VWF: variants seen among roughly 807,000 people sequenced by gnomAD.
The protein encoded by VWF is Factor VIII related antigen.
Under a neutral mutation model 308.6 loss-of-function variants are expected in VWF, and 176 were observed. The observed-to-expected ratio is 0.57, with a 90% CI of 0.50 to 0.65. The LOEUF (loss-of-function observed/expected upper bound fraction) is 0.65. Among genes scored for constraint, VWF ranks in the 30% least tolerant of loss-of-function variants. The pLI is 0.00. For missense variants in VWF, 3,146 were observed against 3,648.2 expected (o/e 0.86, Z 3.55); for synonymous variants, 1,385 against 1,443.4 (o/e 0.96, Z 0.92).
At chr12:5,983,424 T>TAGATAGATAGATAGAC (rs1943632140) in intron 40 of VWF, among the ~76,000 whole-genome samples, 170 bp from the exon 41 acceptor site, 1 of 151,908 alleles carries the variant, frequency 6.6e-6, no homozygotes, top group Non-Finnish European at 1.5e-5. Flanking sequence ...GATAGATAGA[T>TAGATAGATAGATAGAC]AGATAGATAG....
chr12:5,994,328 A>G (rs1943782540), intron 36 of VWF, 87 bp downstream of exon 36: 2 of 1,593,708 alleles, frequency 1.3e-6, no homozygotes, highest in South Asian at 2.2e-5. Flanking sequence ...ACCCTGAAAT[A>G]TAAGCATCCA....
At chr12:6,032,612 T>C (rs550818913) in intron 20 of VWF, among the ~76,000 whole-genome samples, 1 of 149,960 alleles carries the variant, frequency 6.7e-6, no homozygotes, top group South Asian at 2.1e-4. Flanking sequence ...CACTCCAGCC[T>C]GGGTGACAGA....
intron 6 of VWF, among the ~76,000 whole-genome samples, chr12:6,089,209 A>C (rs1018739323): frequency 6.6e-6 from 1 of 151,892 alleles, no homozygotes; most frequent in African/African-American, 2.4e-5. Context: ...CATATTAATC[A>C]CCTCTTGGGA....
chr12:6,062,436 GA>G (rs1301518310), intron 13 of VWF, among the ~76,000 whole-genome samples: 2 of 151,922 alleles, frequency 1.3e-5, no homozygotes, highest in Non-Finnish European at 2.9e-5. Context: ...GAGAAACAGT[GA>G]AAAGTATGGA....
At chr12:6,014,610 GT>G (rs896870292) in intron 31 of VWF, among the ~76,000 whole-genome samples, 4 of 152,320 alleles carry the variant, frequency 2.6e-5, no homozygotes, top group Admixed American at 2.6e-4. Flanking sequence ...CAACTGGAAG[GT>G]TGGAATTGCC....
At chr12:6,034,911 C>T in intron 19 of VWF, 85 bp from the exon 20 acceptor site, 1 of 1,554,116 alleles carries the variant, frequency 6.4e-7, no homozygotes, top group Non-Finnish European at 8.8e-7. Context: ...TGAAGGAACA[C>T]AGAATACTCT....
In VWF at chr12:5,991,902, G is replaced by A; in HGVS notation, c.6715C>T (p.Pro2239Ser). ...CTGCCTTCCAACATGACTTTATCTG[G>A]AGGGCAGAAACAGCCTTCGGAGGGA... The part of the protein sequence containing the change: ...DHPSEGCFCP[P>S]DKVMLEGSCV... Residue 2239 changes from proline (P) to serine (S), a missense_variant, in exon 38 of 52, where the codon CCA (proline) becomes TCA (serine). Pro to Ser is a moderately conservative substitution (Grantham distance 74). Around this residue, in one of 3 missense-constraint regions of VWF, gnomAD observed 989 missense variants for 1,117.4 expected, o/e 0.89. Coordinates refer to ENST00000261405, the MANE Select transcript of VWF (RefSeq NM_000552.5). The A allele has an allele frequency of 6.2e-7, 1 of 1,614,230 alleles. No homozygotes were observed. The highest frequency in any genetic ancestry group is 8.5e-7 in the Non-Finnish European group (1 of 1,180,040).
At chr12:5,970,221 T>C (rs1943456748) in intron 44 of VWF, among the ~76,000 whole-genome samples, 1 of 152,158 alleles carries the variant, frequency 6.6e-6, no homozygotes. Flanking sequence ...CACTGAGCCT[T>C]GGCCACTGGC....
In VWF at chr12:6,061,240, G is replaced by A. The variant is rs373092562; in HGVS notation, c.1533+1714C>T. 1.9e-4 allele frequency among the ~76,000 whole-genome samples: 29 copies of A among 152,050 alleles called. No homozygotes were observed. In the South Asian group the frequency reaches 4.4e-3, roughly 23 times the overall value. ...ACAAAAAGAAAGTGAACTGGCTAAC[G>A]TGAAGCACCCCCTTGAAGACCGGGG... On this transcript the variant is annotated intron_variant, in intron 13 of 51. Coordinates refer to ENST00000261405, the MANE Select transcript of VWF (RefSeq NM_000552.5).
intron 4 of VWF, 123 bp from the exon 5 acceptor site, chr12:6,110,705 T>C (rs1591924499): frequency 1.5e-6 from 2 of 1,311,958 alleles, no homozygotes; most frequent in East Asian, 2.3e-5. Context: ...GCTGAGGACC[T>C]AGATCAGCAA....
At chr12:6,092,618 A>AGAGAGAGAGAGAGAGTGT (rs1301391895) in intron 6 of VWF, among the ~76,000 whole-genome samples, 5 of 66,148 alleles carry the variant, frequency 7.6e-5, no homozygotes, top group Non-Finnish European at 1.4e-4. Flanking sequence ...AGTGAGTGAG[A>AGAGAGAGAGAGAGAGTGT]GTGTGTGTGT....
intron 31 of VWF, among the ~76,000 whole-genome samples, chr12:6,014,632 A>G (rs1161672358): frequency 6.6e-6 from 1 of 152,232 alleles, no homozygotes; most frequent in Non-Finnish European, 1.5e-5. Context: ...ATTTTCTAAG[A>G]TAAGAAAGAC....
intron 6 of VWF, among the ~76,000 whole-genome samples, chr12:6,088,255 G>C (rs1279225138): frequency 6.6e-6 from 1 of 151,976 alleles, no homozygotes; most frequent in African/African-American, 2.4e-5. Context: ...GAGGCGGGCA[G>C]ATCATGAGAT....
chr12:5,994,274 C>T, intron 36 of VWF, 71 bp from the exon 37 acceptor site: 1 of 1,598,958 alleles, frequency 6.3e-7, no homozygotes, highest in Admixed American at 1.7e-5. Flanking sequence ...ATGCCAGAGA[C>T]AGGCCATTCT....
At chr12:6,088,576 C>G (rs1591910153) in intron 6 of VWF, among the ~76,000 whole-genome samples, 1 of 152,130 alleles carries the variant, frequency 6.6e-6, no homozygotes, top group South Asian at 2.1e-4. Context: ...GCCCAGCCCC[C>G]CGGAGCCTTG....
intron 10 of VWF, among the ~76,000 whole-genome samples, chr12:6,069,976 G>T (rs1336426917): frequency 6.6e-6 from 1 of 152,170 alleles, no homozygotes; most frequent in East Asian, 1.9e-4. Flanking sequence ...TAATCTGGTG[G>T]TTACAAACGT....
At position 6,016,246 on chromosome 12, in the gene VWF, A is replaced by G. The variant is rs1944055712; in HGVS notation, c.5312-14T>C. The G allele has an allele frequency of 6.2e-7, 1 of 1,614,212 alleles. No individual in the cohort carries two copies. The highest frequency in any genetic ancestry group is 8.5e-7 in the Non-Finnish European group (1 of 1,180,038). Reference sequence around the variant, plus strand: ...CCAAGGCATCCCCTGAGGATGGAGAACAGATCACGCCAAGTCAGTACTGAC... The same window carrying G: ...CCAAGGCATCCCCTGAGGATGGAGAGCAGATCACGCCAAGTCAGTACTGAC... On this transcript the variant is annotated splice_polypyrimidine_tract_variant and intron_variant, in intron 30 of 51. Transcript: ENST00000261405.
chr12:5,965,390 G>A (rs776652919), intron 47 of VWF, among the ~76,000 whole-genome samples: 10 of 152,070 alleles, frequency 6.6e-5, no homozygotes, highest in Non-Finnish European at 1.3e-4. Context: ...TCTGGCTGCC[G>A]GTTATTCATT....
chr12:5,964,080 G>A (rs1365392550), intron 47 of VWF, among the ~76,000 whole-genome samples: 1 of 152,086 alleles, frequency 6.6e-6, no homozygotes, highest in East Asian at 1.9e-4. Flanking sequence ...AGCTGGGCAT[G>A]GCGGTGGGCG....
Sources: gnomAD v4.1 joint callset for allele counts (sites outside exome capture counted in the v4.1 genomes callset) on GRCh38, gnomAD v4.1.1 for gene constraint, gnomAD v4.1.1 regional missense constraint, MANE v1.5 for transcripts, NCBI Gene and HGNC (gene_info 2026-07-23, HGNC 2026-07-21) for gene names.